Variants in CAPN14 observed in about 807,000 individuals in gnomAD.
The protein encoded by CAPN14 is calpain-14.
In CAPN14, 94 loss-of-function variants were observed where a neutral mutation model predicts 101.3. The ratio of observed to expected loss-of-function variants is 0.93; its 90% CI spans 0.79 to 1.10. The LOEUF is 1.10. Among genes scored for constraint, CAPN14 ranks in the 50% least tolerant of loss-of-function variants. The pLI, the probability that CAPN14 is intolerant of heterozygous loss-of-function variation, is 0.00. For synonymous variants in CAPN14, 338 were observed against 317.9 expected (o/e 1.06, Z -0.67); for missense variants, 837 against 828.4 (o/e 1.01, Z -0.13).
At chr2:31,176,505 C>G in intron 21 of CAPN14, 82 bp downstream of exon 21, 1 of 1,068,812 alleles carries the variant, frequency 9.4e-7, no homozygotes, top group Middle Eastern at 2.0e-4. Context: ...CCCCAGAGCC[C>G]TTCTCCTTCA....
chr2:31,216,616 A>G (rs1202750516), intron 1 of CAPN14, among the ~76,000 whole-genome samples: 2 of 152,120 alleles, frequency 1.3e-5, no homozygotes, highest in Non-Finnish European at 2.9e-5. Flanking sequence ...AGTCAAAGAC[A>G]CCCCTCACCC....
In CAPN14 at chr2:31,192,049, C is replaced by CT; in HGVS notation, c.1163dup (p.Glu389GlyfsTer38). On this transcript the variant is annotated frameshift_variant, in exon 11 of 22. Coordinates refer to ENST00000403897, the MANE Select transcript of CAPN14 (RefSeq NM_001145122.2). LOFTEE classifies it high-confidence loss of function. The stretch of plus-strand genomic sequence containing the variant: ...AGGGCCTCAGGGATCTCCTGCCCTC[C>CT]TCGGGCCTCCAGACAGACAGCAGGA... 6.4e-7 allele frequency: 1 copy of CT among 1,551,460 alleles called. No homozygotes were observed. Among genetic ancestry groups the CT allele is most frequent in the Non-Finnish European group, 8.7e-7 (1 of 1,146,856 alleles).
chr2:31,211,884 T>C (rs1318815908), intron 1 of CAPN14, among the ~76,000 whole-genome samples: 3 of 152,096 alleles, frequency 2.0e-5, no homozygotes, highest in African/African-American at 7.2e-5. Context: ...AGCAAGTCAG[T>C]GGTTACCTGG....
At chr2:31,182,449 C>G (rs903281606) in intron 16 of CAPN14, among the ~76,000 whole-genome samples, 6 of 141,522 alleles carry the variant, frequency 4.2e-5, no homozygotes, top group Non-Finnish European at 6.0e-5. Context: ...TTCTCTCAGC[C>G]CAAAATCTCC....
At chr2:31,200,034 T>C (rs1681669918) in intron 6 of CAPN14, among the ~76,000 whole-genome samples, 1 of 152,114 alleles carries the variant, frequency 6.6e-6, no homozygotes, top group African/African-American at 2.4e-5. Flanking sequence ...ACGGAATCTC[T>C]CTCTTGTTGC....
In CAPN14 at chr2:31,176,676, T is replaced by C. The variant is rs371788558; in HGVS notation, c.1973-34A>G. ...ATGCAGCAGAAAGGAATACAGCTAATGTGTCTATTGGAAACATTATGAATT... is the reference window on the plus strand; with the variant it reads ...ATGCAGCAGAAAGGAATACAGCTAACGTGTCTATTGGAAACATTATGAATT... On this transcript the variant is annotated intron_variant, in intron 20 of 21. Coordinates refer to ENST00000403897, the MANE Select transcript of CAPN14 (RefSeq NM_001145122.2). The C allele has an allele frequency of 1.1e-5, 16 of 1,521,384 alleles. No individual in the cohort carries two copies. In the African/African-American group the frequency reaches 1.9e-4, roughly 18 times the overall value. 94.2% of individuals were successfully genotyped at this position (1,521,384 alleles called of 1,614,324 possible).
intron 2 of CAPN14, among the ~76,000 whole-genome samples, chr2:31,222,787 G>A (rs998961090): frequency 1.3e-4 from 20 of 152,224 alleles, no homozygotes; most frequent in Admixed American, 1.2e-3. Flanking sequence ...AAGATGTTAC[G>A]GAGTGAATGT....
In CAPN14 at chr2:31,174,550, C is replaced by G. The variant is rs1680200119; in HGVS notation, c.*131G>C. 5.5e-6 allele frequency: 5 copies of G among 917,300 alleles called. No individual in the cohort carries two copies. Among genetic ancestry groups the G allele is most frequent in the Non-Finnish European group, 8.5e-6 (5 of 589,404 alleles). 56.8% of individuals were successfully genotyped at this position (917,300 alleles called of 1,614,324 possible). A position where few individuals can be genotyped will look rare whatever the true frequency, so the allele number is the denominator to read the frequency against. On this transcript the variant is annotated 3_prime_UTR_variant, in exon 22 of 22. Transcript: ENST00000403897. ...GGCTGCAGAAGAGAAACCTTCCCAG[C>G]TGAGAAGGTGACGGCTAGTGAGGCT...
upstream of CAPN14, among the ~76,000 whole-genome samples, chr2:31,219,470 TG>T (rs1682795742): frequency 6.6e-6 from 1 of 152,200 alleles, no homozygotes; most frequent in Non-Finnish European, 1.5e-5. Context: ...TGACCCACAG[TG>T]GGCTGTGGAC....
rs1681060308 is a variant in CAPN14 at position 31,189,322 on chromosome 2, G to T, written c.1444C>A (p.Gln482Lys). 5 of 1,551,742 alleles carry T rather than the reference G, an allele frequency of 3.2e-6. No homozygotes were observed. Among genetic ancestry groups the T allele is most frequent in the Non-Finnish European group, 4.4e-6 (5 of 1,147,014 alleles). The change falls in exon 13 of 22, where the codon CAG becomes AAG. Residue 482 changes from glutamine (Q) to lysine (K), a missense_variant. Physicochemically the swap from Gln to Lys is moderately conservative, Grantham distance 53. Coordinates refer to ENST00000403897, the MANE Select transcript of CAPN14 (RefSeq NM_001145122.2). ...LIVPCILEAH[Q>K]KSEFVLRVFS... ...ACCCTGAGGACGAACTCTGACTTCT[G>T]GTGGGCCTCCAATATGCAGGGCACG...
intron 21 of CAPN14, among the ~76,000 whole-genome samples, chr2:31,175,832 C>A (rs1385154823): frequency 3.9e-5 from 6 of 152,170 alleles, no homozygotes; most frequent in African/African-American, 1.2e-4. Context: ...AATAAAAGAG[C>A]AGAGGATTGA....
chr2:31,207,639 T>C (rs1682169003), intron 1 of CAPN14, among the ~76,000 whole-genome samples: 1 of 152,040 alleles, frequency 6.6e-6, no homozygotes, highest in South Asian at 2.1e-4. Context: ...TGGTGATGTA[T>C]GACTGTAATC....
chr2:31,184,435 A>G (rs1469392608), intron 16 of CAPN14, among the ~76,000 whole-genome samples: 1 of 152,234 alleles, frequency 6.6e-6, no homozygotes, highest in Non-Finnish European at 1.5e-5. Context: ...CTAAACCCTC[A>G]ACACCCTTTT....
At chr2:31,204,256 C>T (rs1372646472) in intron 2 of CAPN14, among the ~76,000 whole-genome samples, 1 of 152,208 alleles carries the variant, frequency 6.6e-6, no homozygotes, top group Admixed American at 6.5e-5. Flanking sequence ...TGGGAACATA[C>T]CCATCCCTTC....
chr2:31,188,935 G>A (rs1681043812), intron 13 of CAPN14, among the ~76,000 whole-genome samples: 1 of 152,134 alleles, frequency 6.6e-6, no homozygotes, highest in African/African-American at 2.4e-5. Context: ...GTAACACCCT[G>A]TGCATATAAA....
rs372898726 is a variant in CAPN14 at position 31,193,269 on chromosome 2, G to A, written c.976C>T (p.His326Tyr). 2.2e-4 allele frequency: 348 copies of A among 1,551,656 alleles called. No individual in the cohort carries two copies. The highest frequency in any genetic ancestry group is 2.9e-4 in the Non-Finnish European group (330 of 1,147,038). The part of the protein sequence containing the change: ...FWMTLQDFKT[H>Y]FVLLVICKLT... ...TTACAGATAACCAGGAGCACGAAAT[G>A]TGTTTTAAAGTCCTGCAGCGTCATC... The change falls in exon 10 of 22, where the codon CAT (histidine) becomes TAT (tyrosine). Residue 326 changes from histidine (H) to tyrosine (Y), a missense_variant. Physicochemically the swap from His to Tyr is moderately conservative, Grantham distance 83. Coordinates refer to ENST00000403897, the MANE Select transcript of CAPN14 (RefSeq NM_001145122.2).
At chr2:31,225,984 A>G (rs1683011200) in intron 2 of CAPN14, among the ~76,000 whole-genome samples, 1 of 152,220 alleles carries the variant, frequency 6.6e-6, no homozygotes, top group South Asian at 2.1e-4. Flanking sequence ...TTCATACCAG[A>G]TATTAAAATT....
At chr2:31,187,856 T>C (rs1473772773) in intron 14 of CAPN14, 42 bp from the exon 15 acceptor site, 1 of 1,499,036 alleles carries the variant, frequency 6.7e-7, no homozygotes, top group South Asian at 1.2e-5. Context: ...TATTCACCTG[T>C]ATAAACGGAC....
chr2:31,195,429 C>G (rs180676150), intron 8 of CAPN14, among the ~76,000 whole-genome samples: 1 of 152,154 alleles, frequency 6.6e-6, no homozygotes, highest in Non-Finnish European at 1.5e-5. Context: ...CTCCGCCTCC[C>G]GGGTTCAAGC....
Sources: gnomAD v4.1 joint callset for allele counts (sites outside exome capture counted in the v4.1 genomes callset) on GRCh38, gnomAD v4.1.1 for gene constraint, MANE v1.5 for transcripts, NCBI Gene and HGNC (gene_info 2026-07-23, HGNC 2026-07-21) for gene names.